FARS2: variants seen among roughly 807,000 people sequenced by gnomAD.
The protein encoded by FARS2 is phenylalanine--tRNA ligase, mitochondrial.
Under a neutral mutation model 46.4 loss-of-function variants are expected in FARS2, and 40 were observed. The ratio of observed to expected loss-of-function variants is 0.86; its 90% CI spans 0.67 to 1.12. The LOEUF (loss-of-function observed/expected upper bound fraction) is 1.12, where lower values mean the gene tolerates loss of function less well. Among genes scored for constraint, FARS2 ranks in the 50% most tolerant of loss-of-function variants. The pLI is 0.00. For synonymous variants in FARS2, 234 were observed against 214.9 expected (o/e 1.09, Z -0.78); for missense variants, 513 against 567.9 (o/e 0.90, Z 0.98).
chr6:5,584,945 A>C (rs141656082), intron 5 of FARS2, among the ~76,000 whole-genome samples: 1 of 152,182 alleles, frequency 6.6e-6, no homozygotes, highest in Non-Finnish European at 1.5e-5. Context: ...GATTACACAG[A>C]AACTAAATTA....
chr6:5,627,349 A>G (rs943900461), intron 6 of FARS2, among the ~76,000 whole-genome samples: 2 of 152,276 alleles, frequency 1.3e-5, no homozygotes, highest in African/African-American at 4.8e-5. Context: ...AGGAAATAAC[A>G]GTAGTAAGAT....
rs112861907 is a variant in FARS2, at chr6:5,497,450, G to A, written c.905-47730G>A. 7.8e-3 allele frequency among the ~76,000 whole-genome samples: 1,191 copies of A among 152,196 alleles called. 12 individuals carry two copies. Among genetic ancestry groups the A allele is most frequent in the African/African-American group, 0.027 (1,132 of 41,516 alleles). On this transcript the variant is annotated intron_variant, in intron 4 of 6. Transcript: ENST00000274680. ...AATGAAAATCTTAATGTGGGATAAA[G>A]GACAAACTGAACAGCACCTACAATG...
In FARS2 at chr6:5,471,253, C is replaced by T. The variant is rs1765790899; in HGVS notation, c.904+40081C>T. On this transcript the variant is annotated intron_variant, in intron 4 of 6. Coordinates refer to ENST00000274680, the MANE Select transcript of FARS2 (RefSeq NM_006567.5). This position sits in a 1 kb window ranked among gnomAD's most constrained non-coding sequence, Gnocchi z 4.1. ...ACGTATTAATTAAGTCTTGCCGAGG[C>T]CTTGTTAGTGATCCGGTGCTAAGCG... 6.6e-6 allele frequency among the ~76,000 whole-genome samples: 1 copy of T among 152,100 alleles called. No homozygotes were observed. The highest frequency in any genetic ancestry group is 6.5e-5 in the Admixed American group (1 of 15,270).
chr6:5,458,350 T>A (rs1417529240), intron 4 of FARS2, among the ~76,000 whole-genome samples: 1 of 152,186 alleles, frequency 6.6e-6, no homozygotes, highest in African/African-American at 2.4e-5. Context: ...AAGCCTAGGC[T>A]GGCAAAGCTG....
At chr6:5,397,307 G>A (rs1760966934) in intron 2 of FARS2, among the ~76,000 whole-genome samples, 1 of 152,188 alleles carries the variant, frequency 6.6e-6, no homozygotes, top group Non-Finnish European at 1.5e-5. Flanking sequence ...AGACAGTGAT[G>A]AATTGGCTGA....
upstream of FARS2, among the ~76,000 whole-genome samples, chr6:5,257,775 T>C (rs556856463): frequency 6.6e-6 from 1 of 152,300 alleles, no homozygotes; most frequent in South Asian, 2.1e-4. Flanking sequence ...TCCCCTCCCT[T>C]GACCCGGTCC....
intron 3 of FARS2, among the ~76,000 whole-genome samples, chr6:5,411,793 T>G (rs1229623265): frequency 6.6e-6 from 1 of 152,226 alleles, no homozygotes; most frequent in Non-Finnish European, 1.5e-5. Context: ...TAGAAAGAAA[T>G]AAAATAACTC....
chr6:5,381,300 A>G (rs1019432951), intron 2 of FARS2, among the ~76,000 whole-genome samples: 1 of 151,732 alleles, frequency 6.6e-6, no homozygotes, highest in Non-Finnish European at 1.5e-5. Context: ...CCCGGCCTAT[A>G]GCAATGATTT....
At chr6:5,723,093 C>G (rs1343143823) in intron 6 of FARS2, among the ~76,000 whole-genome samples, 4 of 151,944 alleles carry the variant, frequency 2.6e-5, no homozygotes, top group Non-Finnish European at 4.4e-5. Flanking sequence ...AGTTCCGGTT[C>G]TGGGGGTGAG....
intron 6 of FARS2, among the ~76,000 whole-genome samples, chr6:5,770,729 A>G (rs1762991324): frequency 6.6e-6 from 1 of 152,180 alleles, no homozygotes; most frequent in African/African-American, 2.4e-5. Flanking sequence ...GTCATAAAGG[A>G]GAGACTAAAG....
At chr6:5,391,888 C>G (rs149943720) in intron 2 of FARS2, among the ~76,000 whole-genome samples, 9 of 152,238 alleles carry the variant, frequency 5.9e-5, no homozygotes, top group Non-Finnish European at 8.8e-5. Context: ...TAGTTCTGAA[C>G]TACTTTCTGT....
At chr6:5,659,122 G>T (rs760840790) in intron 6 of FARS2, among the ~76,000 whole-genome samples, 10 of 152,182 alleles carry the variant, frequency 6.6e-5, no homozygotes, top group Non-Finnish European at 1.3e-4. Context: ...GTCCCACTGG[G>T]ATTAGTGCAA....
At chr6:5,563,471 G>T (rs1772132306) in intron 5 of FARS2, among the ~76,000 whole-genome samples, 1 of 152,128 alleles carries the variant, frequency 6.6e-6, no homozygotes, top group Non-Finnish European at 1.5e-5. Flanking sequence ...CTTTTCCAGA[G>T]ATGCTTTAAA....
intron 1 of FARS2, among the ~76,000 whole-genome samples, chr6:5,330,503 A>G (rs371437145): frequency 2.0e-5 from 3 of 152,286 alleles, no homozygotes; most frequent in South Asian, 2.1e-4. Flanking sequence ...TGCCTCCTAC[A>G]TGGTATGATA....
At chr6:5,591,138 A>G (rs1295826432) in intron 5 of FARS2, among the ~76,000 whole-genome samples, 1 of 152,210 alleles carries the variant, frequency 6.6e-6, no homozygotes, top group Admixed American at 6.5e-5. Context: ...TGTTAATGCC[A>G]TTGAATCTTA....
At chr6:5,566,500 C>G (rs1240020790) in intron 5 of FARS2, among the ~76,000 whole-genome samples, 1 of 152,102 alleles carries the variant, frequency 6.6e-6, no homozygotes, top group Non-Finnish European at 1.5e-5. Context: ...TTCCCCAAAA[C>G]AGGGTTTGTG....
intron 4 of FARS2, among the ~76,000 whole-genome samples, chr6:5,515,332 G>C (rs1352712038): frequency 6.6e-6 from 1 of 152,174 alleles, no homozygotes; most frequent in Admixed American, 6.5e-5. Flanking sequence ...CTAGGTCCTA[G>C]ACTCAGACAA....
chr6:5,321,355 C>T (rs139896891), intron 1 of FARS2, among the ~76,000 whole-genome samples: 82 of 152,248 alleles, frequency 5.4e-4, no homozygotes, highest in African/African-American at 1.8e-3. Flanking sequence ...TGTTTGTAGA[C>T]GTAGCCTTTA....
chr6:5,345,543 G>C (rs570904790), intron 1 of FARS2, among the ~76,000 whole-genome samples: 1 of 152,190 alleles, frequency 6.6e-6, no homozygotes, highest in South Asian at 2.1e-4. Flanking sequence ...CTTCTCAGGC[G>C]CATGTGTAAA....
Sources: allele counts gnomAD v4.1 joint callset (sites outside exome capture counted in the v4.1 genomes callset), GRCh38; gene constraint gnomAD v4.1.1; non-coding constraint Gnocchi (gnomAD v3.1); transcripts MANE v1.5; gene names NCBI Gene and HGNC (gene_info 2026-07-23, HGNC 2026-07-21).